MYO3B: variants seen among roughly 807,000 people sequenced by gnomAD.
MYO3B encodes myosin-IIIb.
MYO3B carries 156 observed loss-of-function variants against 174.6 expected under a neutral mutation model. The observed-to-expected ratio is 0.89, with a 90% confidence interval of 0.78 to 1.02. MYO3B has a LOEUF of 1.02. MYO3B is among the 50% of genes least tolerant of loss of function. MYO3B has a pLI of 0.00. For missense variants in MYO3B, 1,632 were observed against 1,639.4 expected (o/e 1.00, Z 0.08); for synonymous variants, 563 against 569.1 (o/e 0.99, Z 0.15).
intron 32 of MYO3B, among the ~76,000 whole-genome samples, chr2:170,544,242 TC>T (rs1201857464): frequency 6.6e-6 from 1 of 152,244 alleles, no homozygotes; most frequent in Non-Finnish European, 1.5e-5. Context: ...AGGAAACTGT[TC>T]TAAAATTTCA....
chr2:170,465,032 A>AT (rs34373546), intron 24 of MYO3B, among the ~76,000 whole-genome samples: 125,408 of 146,138 alleles, frequency 0.86, 55,884 homozygotes, highest in Non-Finnish European at 0.98. Context: ...ATGCCTGGCA[A>AT]TTTTTTTTTT....
At chr2:170,194,550 T>A (rs1454785197) in intron 1 of MYO3B, among the ~76,000 whole-genome samples, 1 of 152,114 alleles carries the variant, frequency 6.6e-6, no homozygotes, top group Non-Finnish European at 1.5e-5. Context: ...GGTTTACATA[T>A]TTTTCTGGTT....
intron 7 of MYO3B, among the ~76,000 whole-genome samples, chr2:170,293,817 A>G (rs1348007348): frequency 2.0e-5 from 3 of 147,802 alleles, no homozygotes; most frequent in South Asian, 2.1e-4. Flanking sequence ...TTTTTTTTTT[A>G]TACTTCTAGA....
chr2:170,377,644 G>A (rs747954232), intron 9 of MYO3B, among the ~76,000 whole-genome samples: 12 of 152,136 alleles, frequency 7.9e-5, no homozygotes, highest in Non-Finnish European at 1.6e-4. Flanking sequence ...ACCAGTCCAA[G>A]CCAAGACTTT....
rs775656667 is a variant in MYO3B at position 170,466,605 on chromosome 2, C to T, written c.2908C>T (p.Arg970Ter). ...NDDREALQFS[R>*]ERVLAQLRST... is the part of the protein sequence containing the mutation. ...TGACCGAGAGGCCCTGCAGTTCTCT[C>T]GAGAGAGGGTGCTGGCCCAGCTCCG... Residue 970 changes from arginine to a stop codon, truncating the protein, a stop_gained, in exon 25 of 35, where the codon CGA becomes TGA. Transcript: ENST00000408978. LOFTEE classifies it high-confidence loss of function. The T allele has an allele frequency of 1.4e-5, 22 of 1,614,228 alleles. 1 individual carries two copies. Among genetic ancestry groups the T allele is most frequent in the Middle Eastern group, 1.6e-4 (1 of 6,062 alleles).
rs748984071 is a variant in MYO3B, at chr2:170,391,614, C to G, written c.1672C>G (p.Pro558Ala). Reference sequence around the variant, plus strand: ...TTTCAGACTTCCTGAGGAAAAACCTCCTAGGTAAGTGTCAGGGGGGTTGGT... The same window carrying G: ...TTTCAGACTTCCTGAGGAAAAACCTGCTAGGTAAGTGTCAGGGGGGTTGGT... ...SDFRLPEEKP[P>A]RYIADETGRV... The change falls in exon 15 of 35, where the codon CCT (proline) becomes GCT (alanine). Residue 558 changes from proline (P) to alanine (A), a missense_variant. Transcript: ENST00000408978. 6.4e-7 allele frequency: 1 copy of G among 1,563,238 alleles called. No homozygotes were observed. The highest frequency in any genetic ancestry group is 1.2e-5 in the South Asian group (1 of 85,132).
chr2:170,392,873 T>TTTTTTTTTTTTTTTTG (rs2094421800), intron 16 of MYO3B, among the ~76,000 whole-genome samples: 1 of 152,050 alleles, frequency 6.6e-6, no homozygotes, highest in Non-Finnish European at 1.5e-5. Context: ...GTTTTTTTTC[T>TTTTTTTTTTTTTTTTG]GATTGAGCGT....
intron 7 of MYO3B, among the ~76,000 whole-genome samples, chr2:170,275,477 C>T (rs2093458185): frequency 6.6e-6 from 1 of 152,038 alleles, no homozygotes. Flanking sequence ...TTCATGTGTA[C>T]TATGTCCTAA....
At chr2:170,405,057 C>G (rs1222843410) in intron 20 of MYO3B, among the ~76,000 whole-genome samples, 1 of 152,168 alleles carries the variant, frequency 6.6e-6, no homozygotes, top group Non-Finnish European at 1.5e-5. Flanking sequence ...GTTTCTCATA[C>G]TTAGTAAGCT....
intron 32 of MYO3B, among the ~76,000 whole-genome samples, chr2:170,641,634 C>A (rs1398910866): frequency 6.6e-6 from 1 of 151,900 alleles, no homozygotes; most frequent in Non-Finnish European, 1.5e-5. Context: ...GAAGTGATAC[C>A]ATTTAAGCTA....
At chr2:170,652,234 C>T in intron 34 of MYO3B, 80 bp downstream of exon 34, 1 of 1,274,022 alleles carries the variant, frequency 7.8e-7, no homozygotes, top group South Asian at 1.3e-5. Flanking sequence ...GCAAAACTTT[C>T]CAGAGAGGCT....
intron 6 of MYO3B, among the ~76,000 whole-genome samples, chr2:170,217,855 G>A (rs7565000): frequency 0.039 from 5,925 of 152,148 alleles, 383 homozygotes; most frequent in African/African-American, 0.13. Context: ...GTACTTTGTC[G>A]GCTCTCTGTA....
At chr2:170,573,626 G>C (rs1163210685) in intron 32 of MYO3B, among the ~76,000 whole-genome samples, 1 of 152,018 alleles carries the variant, frequency 6.6e-6, no homozygotes, top group Non-Finnish European at 1.5e-5. Flanking sequence ...AAAATATTTT[G>C]TACCATTATT....
At chr2:170,304,214 A>C (rs1187309602) in intron 7 of MYO3B, among the ~76,000 whole-genome samples, 1 of 152,288 alleles carries the variant, frequency 6.6e-6, no homozygotes, top group East Asian at 1.9e-4. Context: ...AGTTATTCTA[A>C]CAAAATGGCC....
chr2:170,433,018 C>A (rs2105888840), intron 22 of MYO3B, among the ~76,000 whole-genome samples: 1 of 152,306 alleles, frequency 6.6e-6, no homozygotes, highest in East Asian at 1.9e-4. Context: ...ACATCACTCA[C>A]TCACTCACTG....
At chr2:170,462,560 G>A (rs1472823184) in intron 23 of MYO3B, among the ~76,000 whole-genome samples, 1 of 152,238 alleles carries the variant, frequency 6.6e-6, no homozygotes, top group Non-Finnish European at 1.5e-5. Context: ...AGTCCACCCA[G>A]CCTAACCCAC....
intron 8 of MYO3B, among the ~76,000 whole-genome samples, chr2:170,356,618 T>C (rs149206130): frequency 0.019 from 2,949 of 152,010 alleles, 41 homozygotes; most frequent in South Asian, 0.04. Context: ...CACCTCAGCC[T>C]CCCAAAGTGC....
chr2:170,536,927 C>T (rs1053375751), intron 30 of MYO3B, among the ~76,000 whole-genome samples: 7 of 151,966 alleles, frequency 4.6e-5, no homozygotes, highest in African/African-American at 1.5e-4. Flanking sequence ...CTCGGCTGGG[C>T]GTGGTGGCTC....
At chr2:170,410,015 C>T (rs1434268059) in intron 22 of MYO3B, among the ~76,000 whole-genome samples, 1 of 152,122 alleles carries the variant, frequency 6.6e-6, no homozygotes, top group Non-Finnish European at 1.5e-5. Context: ...CAGGCATGTC[C>T]CTCTCGTGAA....
Sources: allele counts gnomAD v4.1 joint callset (sites outside exome capture counted in the v4.1 genomes callset), GRCh38; gene constraint gnomAD v4.1.1; transcripts MANE v1.5; gene names NCBI Gene and HGNC (gene_info 2026-07-23, HGNC 2026-07-21).